The following TEX35 variants were observed in gnomAD, a reference collection of about 807,000 sequenced individuals.
The protein encoded by TEX35 is testis-expressed protein 35.
TEX35 carries 26 observed loss-of-function variants against 31.9 expected under a neutral mutation model. The ratio of observed to expected loss-of-function variants is 0.81; its 90% confidence interval spans 0.60 to 1.13. The LOEUF (loss-of-function observed/expected upper bound fraction) is 1.13. TEX35 is among the 50% of genes most tolerant of loss of function. The pLI, the probability that TEX35 is intolerant of heterozygous loss-of-function variation, is 0.00. For missense variants in TEX35, 278 were observed against 273.5 expected (o/e 1.02, Z -0.12); for synonymous variants, 87 against 90.7 (o/e 0.96, Z 0.23).
At chr1:178,516,492 C>G (rs1413927714) in intron 4 of TEX35, 123 bp from the exon 5 acceptor site, 1 of 770,654 alleles carries the variant, frequency 1.3e-6, no homozygotes, top group African/African-American at 1.7e-5. Flanking sequence ...CTCTAACAGG[C>G]CATTATTAGT....
At chr1:178,514,486 G>T (rs538438647) in intron 2 of TEX35, among the ~76,000 whole-genome samples, 103 of 152,222 alleles carry the variant, frequency 6.8e-4, no homozygotes, top group Non-Finnish European at 1.3e-3. Context: ...GGGACAAAAG[G>T]AGCTGAGGCC....
chr1:178,521,330 G>A, intron 8 of TEX35, 66 bp downstream of exon 8: 2 of 1,567,542 alleles, frequency 1.3e-6, no homozygotes, highest in Non-Finnish European at 8.8e-7. Flanking sequence ...AAGGCCATGT[G>A]CTCCCAGCCG....
chr1:178,517,658 A>G (rs915790622), intron 5 of TEX35, among the ~76,000 whole-genome samples: 50 of 152,356 alleles, frequency 3.3e-4, no homozygotes, highest in African/African-American at 1.1e-3. Flanking sequence ...TGAGAATCAC[A>G]GCTCTATAGA....
At chr1:178,519,877 C>T (rs185726082) in intron 5 of TEX35, among the ~76,000 whole-genome samples, 6 of 152,280 alleles carry the variant, frequency 3.9e-5, no homozygotes, top group Admixed American at 2.6e-4. Flanking sequence ...GCGAATAATA[C>T]GTGTGATGTA....
chr1:178,518,726 C>G (rs12076608), intron 5 of TEX35, among the ~76,000 whole-genome samples: 16,266 of 152,144 alleles, frequency 0.11, 938 homozygotes, highest in African/African-American at 0.15. Flanking sequence ...CTGTACTGTC[C>G]AAATTTTCTA....
At chr1:178,513,881 T>A in intron 1 of TEX35, 146 bp from the exon 2 acceptor site, 1 of 816,332 alleles carries the variant, frequency 1.2e-6, no homozygotes, top group Non-Finnish European at 1.9e-6. Flanking sequence ...TGCTGCGGGG[T>A]CTGTGAGCCT....
At chr1:178,521,048 G>A in intron 7 of TEX35, 174 bp downstream of exon 7, 1 of 1,549,234 alleles carries the variant, frequency 6.5e-7, no homozygotes, top group East Asian at 2.3e-5. Context: ...TTCTAGGCCT[G>A]TGGAGCCTCC....
At chr1:178,516,458 A>G (rs906862288) in intron 4 of TEX35, 157 bp from the exon 5 acceptor site, 5 of 622,606 alleles carry the variant, frequency 8.0e-6, no homozygotes, top group Non-Finnish European at 1.1e-5. Flanking sequence ...TAGTCCCTTC[A>G]CAGACTCCTT....
intron 8 of TEX35, chr1:178,521,786 G>T (rs1161951417): frequency 6.5e-7 from 1 of 1,549,368 alleles, no homozygotes; most frequent in African/African-American, 1.4e-5. Flanking sequence ...CTCCACTGGA[G>T]ATTAAAAACC....
intron 3 of TEX35, 147 bp from the exon 4 acceptor site, chr1:178,515,712 T>C (rs1650050831): frequency 3.0e-6 from 2 of 662,012 alleles, no homozygotes; most frequent in Non-Finnish European, 5.3e-6. Context: ...TGGTCTATCC[T>C]ATTGTCTCAA....
chr1:178,522,196 CTG>C, intron 8 of TEX35, 127 bp from the exon 9 acceptor site: 1 of 1,303,370 alleles, frequency 7.7e-7, no homozygotes, highest in Non-Finnish European at 1.0e-6. Flanking sequence ...CCACACCCCT[CTG>C]AGGTCTTGTC....
intron 4 of TEX35, 90 bp downstream of exon 4, chr1:178,516,005 G>A: frequency 1.0e-6 from 1 of 997,218 alleles, no homozygotes. Context: ...AGGAAAGCAG[G>A]AATTGCATGG....
At chr1:178,518,447 GA>G (rs1332421354) in intron 5 of TEX35, among the ~76,000 whole-genome samples, 1 of 151,948 alleles carries the variant, frequency 6.6e-6, no homozygotes, top group East Asian at 1.9e-4. Flanking sequence ...TAAAAATTTG[GA>G]AACGACCTCA....
At chr1:178,513,381 G>C in intron 1 of TEX35, 154 bp downstream of exon 1, 1 of 1,015,202 alleles carries the variant, frequency 9.9e-7, no homozygotes, top group Non-Finnish European at 1.5e-6. Context: ...GTCTGGAAGG[G>C]GTGTGGGATT....
At chr1:178,519,518 C>A (rs535389441) in intron 5 of TEX35, among the ~76,000 whole-genome samples, 18 of 152,118 alleles carry the variant, frequency 1.2e-4, no homozygotes, top group Non-Finnish European at 2.2e-4. Flanking sequence ...TCTATGAATA[C>A]AAATATTTTA....
At chr1:178,513,356 T>TA (rs979090406) in intron 1 of TEX35, 129 bp downstream of exon 1, 1 of 1,225,816 alleles carries the variant, frequency 8.2e-7, no homozygotes, top group African/African-American at 1.5e-5. Context: ...GTACTGAGCA[T>TA]AAAGCAGCCT....
At position 178,522,095 on chromosome 1, in the gene TEX35, G is replaced by A. The variant is rs775638608; in HGVS notation, c.587-230G>A. 346 of 673,804 alleles carry A rather than the reference G, an allele frequency of 5.1e-4. 1 individual carries two copies. The highest frequency in any genetic ancestry group is 6.7e-4 in the Admixed American group (22 of 32,652). 41.7% of individuals were successfully genotyped at this position (673,804 alleles called of 1,614,324 possible). On this transcript the variant is annotated intron_variant, in intron 8 of 8. Coordinates refer to ENST00000319416, the MANE Select transcript of TEX35 (RefSeq NM_032126.5). Reference sequence around the variant, plus strand: ...AGAGACCCTGCTGCCTGGCCCATCCGCTCCCTCCACATAATCAGCCTCCAC... The same window carrying A: ...AGAGACCCTGCTGCCTGGCCCATCCACTCCCTCCACATAATCAGCCTCCAC...
intron 8 of TEX35, 90 bp from the exon 9 acceptor site, chr1:178,522,235 C>T (rs1228301048): frequency 3.4e-6 from 5 of 1,467,670 alleles, no homozygotes; most frequent in East Asian, 5.0e-5. Flanking sequence ...GTCCCTGCTG[C>T]TCATAGGAAC....
In TEX35 at chr1:178,522,364, G is replaced by A. The variant is rs867931207; in HGVS notation, c.626G>A (p.Gly209Glu). ...GAGGCCTCAGGCCTTTACAAAGGTG[G>A]AGAGGAGCCAGTGACCACCCAACCT... The part of the protein sequence containing the change: ...PSEASGLYKG[G>E]EEPVTTQPSV... The change falls in exon 9 of 9, where the codon GGA becomes GAA. Residue 209 changes from glycine (G) to glutamate (E), a missense_variant. Coordinates refer to ENST00000319416, the MANE Select transcript of TEX35 (RefSeq NM_032126.5). The A allele has an allele frequency of 6.2e-7, 1 of 1,606,364 alleles. No homozygotes were observed. The highest frequency in any genetic ancestry group is 1.7e-4 in the Middle Eastern group (1 of 6,046).
Sources: allele counts gnomAD v4.1 joint callset (sites outside exome capture counted in the v4.1 genomes callset), GRCh38; gene constraint gnomAD v4.1.1; transcripts MANE v1.5; gene names NCBI Gene and HGNC (gene_info 2026-07-23, HGNC 2026-07-21).